The following GPC6 variants were observed in gnomAD, a reference collection of about 807,000 sequenced individuals.
The protein encoded by GPC6 is glypican-6.
GPC6 carries 14 observed loss-of-function variants against 55.2 expected under a neutral mutation model. The ratio of observed to expected loss-of-function variants is 0.25; its 90% CI spans 0.17 to 0.40. The LOEUF (loss-of-function observed/expected upper bound fraction) is 0.40. GPC6 is among the 10% of genes least tolerant of loss of function. The probability of loss-of-function intolerance (pLI) is 1.00; values close to 1 mark genes in which losing one functional copy is unlikely to be tolerated. For missense variants in GPC6, 641 were observed against 708.5 expected (o/e 0.90, Z 1.08); for synonymous variants, 278 against 259.6 (o/e 1.07, Z -0.68).
intron 4 of GPC6, among the ~76,000 whole-genome samples, chr13:94,040,204 A>G (rs1328348196): frequency 6.6e-6 from 1 of 151,830 alleles, no homozygotes; most frequent in Non-Finnish European, 1.5e-5. Flanking sequence ...TTAATTTTAC[A>G]AAAACCTTCC....
chr13:93,617,828 TTAA>T (rs765070514), intron 2 of GPC6, among the ~76,000 whole-genome samples: 19 of 152,094 alleles, frequency 1.2e-4, no homozygotes, highest in African/African-American at 1.7e-4. Context: ...AACACATGCC[TTAA>T]TAATTTATAC....
At chr13:93,944,071 C>G (rs934053224) in intron 3 of GPC6, among the ~76,000 whole-genome samples, 1 of 152,306 alleles carries the variant, frequency 6.6e-6, no homozygotes, top group South Asian at 2.1e-4. Flanking sequence ...CCAGGCAGTA[C>G]AGTGGCAGTT....
chr13:93,689,455 TA>T (rs1222429834), intron 2 of GPC6, among the ~76,000 whole-genome samples: 7 of 152,034 alleles, frequency 4.6e-5, no homozygotes, highest in South Asian at 2.1e-4. Flanking sequence ...TCAAGCACAT[TA>T]GGGGGGATTA....
intron 4 of GPC6, among the ~76,000 whole-genome samples, chr13:94,072,564 G>C (rs901876679): frequency 1.3e-5 from 2 of 152,206 alleles, no homozygotes; most frequent in African/African-American, 4.8e-5. Context: ...ATGTTGGCAA[G>C]AATGGTCTTG....
chr13:94,250,063 C>G (rs183919190), intron 4 of GPC6, among the ~76,000 whole-genome samples: 34 of 152,048 alleles, frequency 2.2e-4, no homozygotes, highest in African/African-American at 7.7e-4. Flanking sequence ...AGTCGACAAG[C>G]CTTTGTTAAG....
intron 2 of GPC6, among the ~76,000 whole-genome samples, chr13:93,667,240 A>T (rs1395575766): frequency 1.3e-5 from 2 of 152,132 alleles, no homozygotes; most frequent in Non-Finnish European, 2.9e-5. Flanking sequence ...AGAAGAGGTA[A>T]AATTTTTTTC....
chr13:94,203,750 A>G (rs1000891168), intron 4 of GPC6, among the ~76,000 whole-genome samples: 3 of 152,028 alleles, frequency 2.0e-5, no homozygotes, highest in African/African-American at 7.2e-5. Flanking sequence ...CTACTATTAA[A>G]TCTGTACGTT....
At chr13:94,232,834 A>G (rs141307801) in intron 4 of GPC6, among the ~76,000 whole-genome samples, 1,863 of 152,212 alleles carry the variant, frequency 0.012, 20 homozygotes, top group Non-Finnish European at 0.019. Context: ...TTGGAGGAGT[A>G]GAAAGGACTC....
At chr13:94,160,359 A>G (rs778186337) in intron 4 of GPC6, among the ~76,000 whole-genome samples, 5 of 152,204 alleles carry the variant, frequency 3.3e-5, no homozygotes, top group African/African-American at 9.7e-5. Context: ...AGAGATTACT[A>G]TATGTATCTT....
intron 4 of GPC6, among the ~76,000 whole-genome samples, chr13:94,285,401 A>G (rs943215781): frequency 1.3e-5 from 2 of 152,164 alleles, no homozygotes; most frequent in Admixed American, 1.3e-4. Context: ...TCAACGTGGA[A>G]CAGAAACATT....
intron 1 of GPC6, among the ~76,000 whole-genome samples, chr13:93,276,721 T>G (rs1877768185): frequency 6.6e-6 from 1 of 152,118 alleles, no homozygotes; most frequent in African/African-American, 2.4e-5. Context: ...TGCTGGCTTT[T>G]ATCCCTTTCC....
At chr13:93,881,360 T>C (rs1036030129) in intron 3 of GPC6, among the ~76,000 whole-genome samples, 1 of 152,104 alleles carries the variant, frequency 6.6e-6, no homozygotes, top group African/African-American at 2.4e-5. Context: ...ACGTAATGAG[T>C]AGCCTTCTTT....
intron 6 of GPC6, among the ~76,000 whole-genome samples, chr13:94,344,196 T>G (rs1322168784): frequency 6.6e-6 from 1 of 152,248 alleles, no homozygotes; most frequent in African/African-American, 2.4e-5. Flanking sequence ...AATATTGATC[T>G]TATCTTTATG....
intron 4 of GPC6, among the ~76,000 whole-genome samples, chr13:94,142,151 T>C (rs1272042546): frequency 6.6e-6 from 1 of 152,232 alleles, no homozygotes; most frequent in African/African-American, 2.4e-5. Context: ...CCATGTGCCA[T>C]GTGAAGACGC....
At chr13:93,379,381 T>C (rs1875061081) in intron 1 of GPC6, among the ~76,000 whole-genome samples, 2 of 152,228 alleles carry the variant, frequency 1.3e-5, no homozygotes, top group South Asian at 4.1e-4. Context: ...TTGGACTGAT[T>C]CATATAAGAA....
intron 3 of GPC6, among the ~76,000 whole-genome samples, chr13:93,952,310 A>G (rs530359990): frequency 6.6e-6 from 1 of 152,266 alleles, no homozygotes; most frequent in Admixed American, 6.5e-5. Flanking sequence ...AATCTCAAAA[A>G]TGAATCTTTA....
At chr13:94,303,512 G>GTA (rs1270098361) in intron 5 of GPC6, among the ~76,000 whole-genome samples, 1 of 152,042 alleles carries the variant, frequency 6.6e-6, no homozygotes, top group Admixed American at 6.5e-5. Context: ...TTTTCTAAGG[G>GTA]TATGATAGGA....
chr13:93,968,217 C>A (rs992991498), intron 3 of GPC6, among the ~76,000 whole-genome samples: 2 of 151,954 alleles, frequency 1.3e-5, no homozygotes, highest in African/African-American at 4.8e-5. Flanking sequence ...AGAGAGTGGG[C>A]CTTCAAGAGT....
intron 4 of GPC6, among the ~76,000 whole-genome samples, chr13:94,175,947 T>G (rs1412015395): frequency 9.4e-6 from 1 of 106,016 alleles, no homozygotes; most frequent in African/African-American, 3.1e-5. Context: ...CATATATATA[T>G]ATATATATAG....
Sources: gnomAD v4.1 joint callset for allele counts (sites outside exome capture counted in the v4.1 genomes callset) on GRCh38, gnomAD v4.1.1 for gene constraint, MANE v1.5 for transcripts, NCBI Gene and HGNC (gene_info 2026-07-23, HGNC 2026-07-21) for gene names.